The following RNF128 variants were observed in gnomAD, a reference collection of about 807,000 sequenced individuals.
RNF128 encodes the protein ring finger protein 128.
Under a neutral mutation model 26.2 loss-of-function variants are expected in RNF128, and 13 were observed. The observed-to-expected ratio is 0.50, with a 90% CI of 0.32 to 0.79. The LOEUF is 0.79. Among genes scored for constraint, RNF128 ranks in the 30% least tolerant of loss-of-function variants. The pLI is 0.03. For synonymous variants in RNF128, 149 were observed against 142.5 expected (o/e 1.05, Z -0.32); for missense variants, 315 against 349.7 (o/e 0.90, Z 0.79).
exon 1 of RNF128, chrX:106,694,043 T>C (rs1928829629): frequency 1.7e-6 from 2 of 1,202,797 alleles, no homozygotes; most frequent in Non-Finnish European, 2.2e-6. Flanking sequence ...TGGCTCCTTG[T>C]AATTTTTACC....
In RNF128 at chrX:106,783,271, C is replaced by A. The variant is rs140349717; in HGVS notation, c.733-1794C>A. The stretch of plus-strand genomic sequence containing the variant: ...AGGTTTGGGCATCAATGAGATTCCT[C>A]ACCTACTGATACTTATAGATTCTTA... On this transcript the variant is annotated intron_variant, in intron 2 of 6. Transcript: ENST00000255499. Among the ~76,000 whole-genome samples, 172 of 111,635 alleles carry A rather than the reference C, an allele frequency of 1.5e-3. No homozygotes were observed. The East Asian group carries it at 0.018, about 11-fold the overall frequency.
intron 1 of RNF128, among the ~76,000 whole-genome samples, chrX:106,768,012 T>C (rs1442659294): frequency 5.4e-5 from 6 of 111,959 alleles, no homozygotes; most frequent in Non-Finnish European, 9.4e-5. Flanking sequence ...TATGATGGAT[T>C]ACATTTATTG....
At chrX:106,723,106 A>G (rs1929341907), upstream of RNF128, among the ~76,000 whole-genome samples, 1 of 112,112 alleles carries the variant, frequency 8.9e-6, no homozygotes, top group Admixed American at 9.4e-5. Context: ...TCACAATTTT[A>G]AACTCATTAT....
At chrX:106,772,884 A>G in intron 1 of RNF128, 29 bp from the exon 2 acceptor site, 1 of 1,189,630 alleles carries the variant, frequency 8.4e-7, no homozygotes, top group Non-Finnish European at 1.1e-6. Context: ...GTTTCACCAA[A>G]CTAAAACTGA....
intron 1 of RNF128, among the ~76,000 whole-genome samples, chrX:106,746,411 A>G (rs982342435): frequency 9.0e-6 from 1 of 111,194 alleles, no homozygotes; most frequent in African/African-American, 3.3e-5. Flanking sequence ...ATGTGGGGAA[A>G]AAAAGGTCCA....
intron 1 of RNF128, among the ~76,000 whole-genome samples, chrX:106,741,865 C>A (rs1244617802): frequency 8.9e-6 from 1 of 111,958 alleles, no homozygotes; most frequent in Non-Finnish European, 1.9e-5. Flanking sequence ...GACAAATAAA[C>A]CAGATAACTT....
chrX:106,756,226 G>GA (rs892687765), intron 1 of RNF128, among the ~76,000 whole-genome samples: 1 of 111,019 alleles, frequency 9.0e-6, no homozygotes, highest in African/African-American at 3.3e-5. Context: ...CACAGAATTG[G>GA]AAAAAACTAC....
At chrX:106,758,117 T>C (rs1306509769) in intron 1 of RNF128, among the ~76,000 whole-genome samples, 1 of 112,460 alleles carries the variant, frequency 8.9e-6, no homozygotes, top group African/African-American at 3.2e-5. Context: ...TATAAATCAG[T>C]AGTATTTCTA....
intron 1 of RNF128, among the ~76,000 whole-genome samples, chrX:106,739,450 T>C (rs1321257952): frequency 8.9e-6 from 1 of 111,797 alleles, no homozygotes; most frequent in East Asian, 2.8e-4. Context: ...TGAGCAACCA[T>C]GCCCGGCCCT....
In RNF128 at chrX:106,738,810, G is replaced by T. The variant is rs559739479; in HGVS notation, c.484+11413G>T. On this transcript the variant is annotated intron_variant, in intron 1 of 6. Coordinates refer to ENST00000255499, the MANE Select transcript of RNF128 (RefSeq NM_194463.2). ...TCTCTATGTCATAGGGTTATTGTGA[G>T]GTGTAAATTAAATAATATATGTACA... is the stretch of plus-strand genomic sequence containing the variant. Among the ~76,000 whole-genome samples, 5 of 111,263 alleles carry T rather than the reference G, an allele frequency of 4.5e-5. No individual in the cohort carries two copies. In the South Asian group the frequency reaches 1.9e-3, roughly 43 times the overall value.
chrX:106,719,346 G>C (rs1409598689), intron 1 of RNF128, among the ~76,000 whole-genome samples: 1 of 110,329 alleles, frequency 9.1e-6, no homozygotes, highest in African/African-American at 3.3e-5. Context: ...TCAGCCTCTC[G>C]AGTACCTGGG....
chrX:106,699,697 T>C (rs1167063466), intron 1 of RNF128, among the ~76,000 whole-genome samples: 3 of 112,154 alleles, frequency 2.7e-5, no homozygotes, highest in African/African-American at 9.7e-5. Context: ...TAAAAGGAGT[T>C]GCATGATCTG....
At chrX:106,751,107 T>C (rs1033674433) in intron 1 of RNF128, among the ~76,000 whole-genome samples, 2 of 111,513 alleles carry the variant, frequency 1.8e-5, no homozygotes, top group Non-Finnish European at 3.8e-5. Flanking sequence ...AAAGCATCTT[T>C]GTAAGAATCA....
At chrX:106,771,688 C>T (rs1569443491) in intron 1 of RNF128, among the ~76,000 whole-genome samples, 1 of 112,772 alleles carries the variant, frequency 8.9e-6, no homozygotes, top group African/African-American at 3.2e-5. Context: ...AATTCCCTGA[C>T]CCCTTGCACT....
chrX:106,791,033 A>T (rs915232470), intron 5 of RNF128, 33 bp from the exon 6 acceptor site: 2 of 1,181,456 alleles, frequency 1.7e-6, no homozygotes, highest in Admixed American at 2.2e-5. Context: ...GTGTACACTG[A>T]GAGGCTTTTA....
intron 1 of RNF128, among the ~76,000 whole-genome samples, chrX:106,717,397 G>T (rs1929236741): frequency 9.0e-6 from 1 of 111,574 alleles, no homozygotes; most frequent in African/African-American, 3.3e-5. Context: ...CTCTTTTCTA[G>T]TAGTAGACAA....
At chrX:106,761,256 A>G (rs1930115948) in intron 1 of RNF128, among the ~76,000 whole-genome samples, 1 of 112,234 alleles carries the variant, frequency 8.9e-6, no homozygotes, top group Non-Finnish European at 1.9e-5. Flanking sequence ...CAGTATGGCT[A>G]TTATTAAAAA....
At chrX:106,709,734 C>T (rs1267954267) in intron 1 of RNF128, among the ~76,000 whole-genome samples, 1 of 110,704 alleles carries the variant, frequency 9.0e-6, no homozygotes, top group Admixed American at 9.7e-5. Context: ...TTAATAGAGA[C>T]GGGGTTTCTC....
intron 1 of RNF128, among the ~76,000 whole-genome samples, chrX:106,769,572 A>G (rs941413275): frequency 2.0e-4 from 7 of 35,613 alleles, no homozygotes; most frequent in Non-Finnish European, 3.9e-4. Flanking sequence ...TTTGCTTTCC[A>G]TTTGCTTGGT....
Sources: allele counts gnomAD v4.1 joint callset (sites outside exome capture counted in the v4.1 genomes callset), GRCh38; gene constraint gnomAD v4.1.1; transcripts MANE v1.5; gene names NCBI Gene and HGNC (gene_info 2026-07-23, HGNC 2026-07-21).